ABI1: variants seen among roughly 807,000 people sequenced by gnomAD.
ABI1 encodes the protein abl interactor 1, also known as Abelson interactor 1.
In ABI1, 14 loss-of-function variants were observed where a neutral mutation model predicts 54.6. The ratio of observed to expected loss-of-function variants is 0.26; its 90% CI spans 0.17 to 0.40. The LOEUF is 0.40. Among genes scored for constraint, ABI1 ranks in the 10% least tolerant of loss-of-function variants. The pLI is 1.00. For synonymous variants in ABI1, 194 were observed against 209.3 expected (o/e 0.93, Z 0.63); for missense variants, 443 against 598.3 (o/e 0.74, Z 2.71).
chr10:26,759,030 T>A, intron 8 of ABI1, 32 bp downstream of exon 8: 1 of 1,592,338 alleles, frequency 6.3e-7, no homozygotes, highest in Admixed American at 1.7e-5. Context: ...GGAGCTCCAC[T>A]GTTGCTGTAT....
At chr10:26,769,605 A>C (rs1472206588) in intron 5 of ABI1, among the ~76,000 whole-genome samples, 1 of 152,216 alleles carries the variant, frequency 6.6e-6, no homozygotes, top group Admixed American at 6.5e-5. Flanking sequence ...AGTATTAAGA[A>C]AAACAACCTT....
chr10:26,771,128 T>C, intron 3 of ABI1, 39 bp from the exon 4 acceptor site: 1 of 1,610,536 alleles, frequency 6.2e-7, no homozygotes, highest in African/African-American at 1.3e-5. Flanking sequence ...AAAGTAGACA[T>C]TAATGCTAGG....
At chr10:26,783,504 A>C (rs2133041579) in intron 2 of ABI1, among the ~76,000 whole-genome samples, 1 of 152,328 alleles carries the variant, frequency 6.6e-6, no homozygotes, top group Admixed American at 6.5e-5. Context: ...TTCTGAGTAT[A>C]CCTCTGTCAC....
In ABI1 at chr10:26,860,699, G is replaced by A. The variant is rs374291779; in HGVS notation, c.117+48C>T. On this transcript the variant is annotated intron_variant, in intron 1 of 10. Transcript: ENST00000376140. The surrounding 1 kb of genome is among the most constrained non-coding windows in gnomAD (Gnocchi z 4.1). The stretch of plus-strand genomic sequence containing the variant: ...CCCGCCCAGTGGGCTGGTCACTCCG[G>A]CGGGTCCTCGACCCGGCCAGCGCCC... 1 of 1,485,308 alleles carries A rather than the reference G, an allele frequency of 6.7e-7. No homozygotes were observed. The highest frequency in any genetic ancestry group is 1.1e-5 in the South Asian group (1 of 88,568). 92.0% of individuals were successfully genotyped at this position (1,485,308 alleles called of 1,614,324 possible).
chr10:26,809,741 G>A (rs2047110067), intron 2 of ABI1, among the ~76,000 whole-genome samples: 1 of 152,098 alleles, frequency 6.6e-6, no homozygotes, highest in Non-Finnish European at 1.5e-5. Flanking sequence ...ACCAAAAACT[G>A]TGAGAAAACA....
At chr10:26,809,268 C>CAAAA (rs201796012) in intron 2 of ABI1, among the ~76,000 whole-genome samples, 5 of 133,738 alleles carry the variant, frequency 3.7e-5, no homozygotes, top group African/African-American at 1.4e-4. Context: ...AGACTTATCT[C>CAAAA]AAAAAAAAAA....
intron 1 of ABI1, among the ~76,000 whole-genome samples, chr10:26,853,003 T>C (rs1397997000): frequency 2.0e-5 from 3 of 152,204 alleles, no homozygotes; most frequent in Admixed American, 2.0e-4. Flanking sequence ...TTTTATTTTG[T>C]AGATGGAGAA....
intron 2 of ABI1, among the ~76,000 whole-genome samples, chr10:26,793,478 C>T (rs1843726175): frequency 1.3e-5 from 2 of 152,244 alleles, no homozygotes; most frequent in South Asian, 4.1e-4. Context: ...AAAACAAAAA[C>T]CACTTGGATC....
At chr10:26,823,436 A>C in intron 1 of ABI1, 131 bp from the exon 2 acceptor site, 1 of 757,222 alleles carries the variant, frequency 1.3e-6, no homozygotes. Flanking sequence ...TACCAATATG[A>C]TAGTCTCAGG....
intron 7 of ABI1, among the ~76,000 whole-genome samples, chr10:26,761,965 C>T (rs939960980): frequency 6.6e-6 from 1 of 151,996 alleles, no homozygotes; most frequent in Non-Finnish European, 1.5e-5. Context: ...ATCTCTAGGA[C>T]AGTGGTTCTC....
intron 1 of ABI1, among the ~76,000 whole-genome samples, chr10:26,827,998 A>T (rs2048421453): frequency 6.6e-6 from 1 of 152,250 alleles, no homozygotes; most frequent in Admixed American, 6.5e-5. Context: ...TTGCAGCAAG[A>T]GGCTTAACGT....
intron 7 of ABI1, among the ~76,000 whole-genome samples, chr10:26,761,643 T>TAC (rs1839202397): frequency 8.5e-6 from 1 of 118,210 alleles, no homozygotes; most frequent in Non-Finnish European, 1.7e-5. Flanking sequence ...TATATATATA[T>TAC]ATATATATAT....
chr10:26,755,785 G>T (rs774840977), intron 8 of ABI1, 44 bp from the exon 9 acceptor site: 2 of 1,337,394 alleles, frequency 1.5e-6, no homozygotes, highest in East Asian at 2.4e-5. Context: ...ACAGATAAAG[G>T]AAAGAAAAGG....
intron 8 of ABI1, among the ~76,000 whole-genome samples, chr10:26,757,833 T>A (rs1588760616): frequency 6.6e-6 from 1 of 152,130 alleles, no homozygotes; most frequent in Non-Finnish European, 1.5e-5. Context: ...TTTGGGAGGC[T>A]GAGGTGGGTG....
chr10:26,858,895 T>A (rs1280101877), intron 1 of ABI1, among the ~76,000 whole-genome samples: 1 of 152,228 alleles, frequency 6.6e-6, no homozygotes, highest in Non-Finnish European at 1.5e-5. Flanking sequence ...CACCCCTGTA[T>A]GAAGCACTTA....
chr10:26,860,739 C>T lies in ABI1; in HGVS notation c.117+8G>A, dbSNP rs753061525. ...GGCCAGCGCCCGCCGGCCGCCAGAG[C>T]GCCTCACCTGTATGTAGTTGTTTTC... On this transcript the variant is annotated splice_region_variant and intron_variant, in intron 1 of 10. Transcript: ENST00000376140. This position sits in a 1 kb window ranked among gnomAD's most constrained non-coding sequence, Gnocchi z 4.1. The T allele has an allele frequency of 2.5e-6, 4 of 1,610,530 alleles. No individual in the cohort carries two copies. Among genetic ancestry groups the T allele is most frequent in the South Asian group, 2.2e-5 (2 of 91,022 alleles).
chr10:26,756,577 G>A (rs547822135), intron 8 of ABI1, among the ~76,000 whole-genome samples: 1 of 152,168 alleles, frequency 6.6e-6, no homozygotes, highest in South Asian at 2.1e-4. Flanking sequence ...TGCATTTGTG[G>A]AGATGACATA....
rs574014681 is a variant in ABI1, at chr10:26,827,537, A to G, written c.118-4232T>C. 2.7e-5 allele frequency among the ~76,000 whole-genome samples: 4 copies of G among 150,336 alleles called. No homozygotes were observed. The East Asian group carries it at 7.9e-4, about 30-fold the overall frequency. ...CACGCCCAGCCTGGTTTGACCTTCT[A>G]TCCAGACCACTAAAACTTTCTCCCT... On this transcript the variant is annotated intron_variant, in intron 1 of 10. Transcript: ENST00000376140.
chr10:26,853,527 T>C (rs1412188052), intron 1 of ABI1, among the ~76,000 whole-genome samples: 1 of 143,404 alleles, frequency 7.0e-6, no homozygotes, highest in African/African-American at 2.7e-5. Context: ...AATTTTACCT[T>C]ACTTTTTTTT....
Sources: allele counts gnomAD v4.1 joint callset (sites outside exome capture counted in the v4.1 genomes callset), GRCh38; gene constraint gnomAD v4.1.1; non-coding constraint Gnocchi (gnomAD v3.1); transcripts MANE v1.5; gene names NCBI Gene and HGNC (gene_info 2026-07-23, HGNC 2026-07-21).